Variants in MTUS2 observed in about 807,000 individuals in gnomAD.
MTUS2 encodes the protein microtubule-associated tumor suppressor candidate 2.
A neutral mutation model predicts 114.1 loss-of-function variants in MTUS2; 40 were observed. That is an observed-to-expected ratio of 0.35 (90% CI 0.27 to 0.46). MTUS2 has a LOEUF of 0.46. Among genes scored for constraint, MTUS2 ranks in the 20% least tolerant of loss-of-function variants. The pLI, the probability that MTUS2 is intolerant of heterozygous loss-of-function variation, is 1.00. For missense variants in MTUS2, 1,679 were observed against 1,705.4 expected (o/e 0.98, Z 0.27); for synonymous variants, 688 against 672.0 (o/e 1.02, Z -0.37).
chr13:29,025,961 G>A lies in MTUS2; in HGVS notation c.1263G>A (p.Lys421=), dbSNP rs377045227. 2.0e-5 allele frequency: 32 copies of A among 1,614,040 alleles called. No individual in the cohort carries two copies. Among genetic ancestry groups the A allele is most frequent in the Admixed American group, 1.5e-4 (9 of 60,022 alleles). ...TGKISPCAGE[K]LGERTSSSFS... ...AAATTTCACCATGTGCAGGTGAGAAGTTGGGTGAAAGGACATCCAGCAGCT... is the reference window on the plus strand; with the variant it reads ...AAATTTCACCATGTGCAGGTGAGAAATTGGGTGAAAGGACATCCAGCAGCT... The change falls in exon 3 of 16, where the codon AAG becomes AAA. Residue 421 remains lysine, a synonymous_variant. Transcript: ENST00000612955.
At chr13:28,899,136 A>G (rs1452497096) in intron 2 of MTUS2, among the ~76,000 whole-genome samples, 1 of 152,226 alleles carries the variant, frequency 6.6e-6, no homozygotes. Context: ...ATGCAGTTGC[A>G]AGAAATAATA....
At chr13:29,144,002 T>C (rs1892329948) in intron 5 of MTUS2, among the ~76,000 whole-genome samples, 1 of 152,224 alleles carries the variant, frequency 6.6e-6, no homozygotes, top group South Asian at 2.1e-4. Flanking sequence ...ATTCATTTGC[T>C]GGACTCTATT....
intron 2 of MTUS2, among the ~76,000 whole-genome samples, chr13:29,016,747 G>T (rs945693563): frequency 6.6e-6 from 1 of 152,238 alleles, no homozygotes; most frequent in East Asian, 1.9e-4. Context: ...AATAAAATGC[G>T]ATATGCTACC....
chr13:28,921,879 C>T (rs1881061562), intron 2 of MTUS2, among the ~76,000 whole-genome samples: 1 of 152,184 alleles, frequency 6.6e-6, no homozygotes, highest in African/African-American at 2.4e-5. Flanking sequence ...ACGGATTTCT[C>T]CACACCATGC....
chr13:28,994,073 G>C (rs113168425), intron 2 of MTUS2, among the ~76,000 whole-genome samples: 2,646 of 151,854 alleles, frequency 0.017, 77 homozygotes, highest in African/African-American at 0.06. Flanking sequence ...CACAACAGTC[G>C]CCGGTGTGTG....
At chr13:29,034,206 T>C in intron 4 of MTUS2, 81 bp downstream of exon 4, 1 of 1,570,962 alleles carries the variant, frequency 6.4e-7, no homozygotes. Context: ...TTGTCTAAAA[T>C]ATGAATGCCT....
intron 5 of MTUS2, among the ~76,000 whole-genome samples, chr13:29,227,617 C>T (rs1896162360): frequency 6.6e-6 from 1 of 152,184 alleles, no homozygotes; most frequent in Admixed American, 6.5e-5. Flanking sequence ...GCATTCTTTC[C>T]TTTTGTGGAA....
At chr13:29,221,561 C>A (rs894900417) in intron 5 of MTUS2, among the ~76,000 whole-genome samples, 22 of 152,026 alleles carry the variant, frequency 1.4e-4, no homozygotes, top group Admixed American at 6.5e-5. Context: ...TGGGTTTTAT[C>A]TTTTTCCTAT....
chr13:29,344,542 T>C (rs1398358045), intron 7 of MTUS2, among the ~76,000 whole-genome samples: 1 of 152,168 alleles, frequency 6.6e-6, no homozygotes, highest in Non-Finnish European at 1.5e-5. Flanking sequence ...TGTGAGTCCT[T>C]ATGTGTTGTT....
At chr13:29,404,404 C>T (rs1874599049) in intron 8 of MTUS2, among the ~76,000 whole-genome samples, 1 of 152,020 alleles carries the variant, frequency 6.6e-6, no homozygotes, top group South Asian at 2.1e-4. Flanking sequence ...GCCTGTAATC[C>T]CAGCTACTCG....
intron 4 of MTUS2, among the ~76,000 whole-genome samples, chr13:29,087,933 C>A (rs1395297615): frequency 1.3e-5 from 2 of 152,004 alleles, no homozygotes; most frequent in East Asian, 3.9e-4. Context: ...GTGGTGGGTG[C>A]CTGTAGTCCC....
chr13:29,275,836 A>C (rs1217088019), intron 5 of MTUS2, among the ~76,000 whole-genome samples: 3 of 152,218 alleles, frequency 2.0e-5, no homozygotes. Flanking sequence ...AAACATGGGA[A>C]TGCAGAGATC....
At chr13:28,877,155 A>T (rs1390400685) in intron 2 of MTUS2, among the ~76,000 whole-genome samples, 1 of 150,574 alleles carries the variant, frequency 6.6e-6, no homozygotes, top group Admixed American at 6.6e-5. Context: ...ACAACAAAAA[A>T]ATACAAAAAA....
chr13:28,894,289 G>C (rs1566203541), intron 2 of MTUS2, among the ~76,000 whole-genome samples: 1 of 11,766 alleles, frequency 8.5e-5, no homozygotes, highest in Non-Finnish European at 1.9e-4. Context: ...TGGGGGGGGG[G>C]GAGAGAGAGA....
At chr13:28,926,662 G>C (rs1043299517) in intron 2 of MTUS2, among the ~76,000 whole-genome samples, 1 of 152,024 alleles carries the variant, frequency 6.6e-6, no homozygotes, top group African/African-American at 2.4e-5. Context: ...AAACGTACAG[G>C]CTTAATTTTG....
intron 5 of MTUS2, among the ~76,000 whole-genome samples, chr13:29,117,590 A>T (rs756655745): frequency 4.6e-5 from 7 of 152,130 alleles, no homozygotes; most frequent in Non-Finnish European, 8.8e-5. Context: ...CTACATGTAC[A>T]CACTCCCCAC....
At chr13:28,993,368 G>C (rs1315876110) in intron 2 of MTUS2, among the ~76,000 whole-genome samples, 2 of 152,278 alleles carry the variant, frequency 1.3e-5, no homozygotes, top group African/African-American at 2.4e-5. Context: ...CAATGCACAA[G>C]TGTTTCAGTT....
At chr13:29,399,271 G>A (rs1306047545) in intron 8 of MTUS2, among the ~76,000 whole-genome samples, 3 of 152,006 alleles carry the variant, frequency 2.0e-5, no homozygotes, top group Non-Finnish European at 4.4e-5. Context: ...GGTTTTGGTG[G>A]GTCTTGACCA....
At chr13:29,213,935 T>TCCATTTTTC (rs1895563031) in intron 5 of MTUS2, among the ~76,000 whole-genome samples, 1 of 152,168 alleles carries the variant, frequency 6.6e-6, no homozygotes. Flanking sequence ...AGTTTATGAT[T>TCCATTTTTC]CCATTTTTTT....
Sources: gnomAD v4.1 joint callset for allele counts (sites outside exome capture counted in the v4.1 genomes callset) on GRCh38, gnomAD v4.1.1 for gene constraint, MANE v1.5 for transcripts, NCBI Gene and HGNC (gene_info 2026-07-23, HGNC 2026-07-21) for gene names.